SGCZ: variants seen among roughly 807,000 people sequenced by gnomAD.
SGCZ encodes zeta-sarcoglycan.
Under a neutral mutation model 41.3 loss-of-function variants are expected in SGCZ, and 40 were observed. The observed-to-expected ratio is 0.97, with a 90% CI of 0.75 to 1.26. SGCZ has a LOEUF of 1.26. Ranked by LOEUF, SGCZ falls within the 50% of genes most tolerant of loss-of-function variation. SGCZ has a pLI of 0.00. For missense variants in SGCZ, 552 were observed against 369.8 expected (o/e 1.49, Z -4.04); for synonymous variants, 206 against 137.5 (o/e 1.50, Z -3.49).
chr8:14,689,914 G>T (rs1585184893), intron 1 of SGCZ, among the ~76,000 whole-genome samples: 1 of 152,188 alleles, frequency 6.6e-6, no homozygotes, highest in Non-Finnish European at 1.5e-5. Context: ...GTCACTTACT[G>T]CCTACGCAGG....
At chr8:15,000,609 C>T (rs777831587) in intron 1 of SGCZ, among the ~76,000 whole-genome samples, 5 of 152,104 alleles carry the variant, frequency 3.3e-5, no homozygotes, top group Non-Finnish European at 2.9e-5. Context: ...CTTCTCTTTG[C>T]CAGCCACGTG....
intron 4 of SGCZ, among the ~76,000 whole-genome samples, chr8:14,212,499 A>T (rs1199451921): frequency 2.7e-5 from 4 of 148,206 alleles, no homozygotes; most frequent in Non-Finnish European, 5.9e-5. Flanking sequence ...AAGTTGCCAG[A>T]GCTCAGAAAG....
At chr8:15,060,119 C>A (rs1331838936) in intron 1 of SGCZ, among the ~76,000 whole-genome samples, 2 of 152,042 alleles carry the variant, frequency 1.3e-5, no homozygotes, top group African/African-American at 4.8e-5. Flanking sequence ...GGTGTTTCCT[C>A]AGGGATCTAG....
At chr8:14,865,490 T>A (rs533106186) in intron 1 of SGCZ, among the ~76,000 whole-genome samples, 3 of 152,210 alleles carry the variant, frequency 2.0e-5, no homozygotes, top group Admixed American at 2.0e-4. Context: ...ATTATTCTGG[T>A]GAAAAAGAAA....
At chr8:14,309,638 G>C in intron 3 of SGCZ, 3 of 1,610,762 alleles carry the variant, frequency 1.9e-6, no homozygotes, top group Admixed American at 1.7e-5. Context: ...CAGCTACTAA[G>C]AGCGGCTCCA....
intron 4 of SGCZ, among the ~76,000 whole-genome samples, chr8:14,190,998 G>A (rs994427327): frequency 6.6e-6 from 1 of 152,054 alleles, no homozygotes; most frequent in Non-Finnish European, 1.5e-5. Context: ...TCACATCCTC[G>A]TCAACACCTG....
chr8:14,371,518 T>A (rs1272872703), intron 2 of SGCZ, among the ~76,000 whole-genome samples: 2 of 144,032 alleles, frequency 1.4e-5, no homozygotes, highest in Non-Finnish European at 3.2e-5. Flanking sequence ...CGTATGTAAA[T>A]ATAAAAAAAA....
intron 1 of SGCZ, among the ~76,000 whole-genome samples, chr8:15,046,774 T>G (rs1019404719): frequency 6.6e-6 from 1 of 152,008 alleles, no homozygotes; most frequent in African/African-American, 2.4e-5. Flanking sequence ...GATATACAAA[T>G]GTCTGATGCT....
chr8:14,286,919 A>G (rs1272258121), intron 3 of SGCZ, among the ~76,000 whole-genome samples: 2 of 152,048 alleles, frequency 1.3e-5, no homozygotes, highest in African/African-American at 4.8e-5. Context: ...TGAAAAGTAA[A>G]CAAATGTATG....
intron 1 of SGCZ, among the ~76,000 whole-genome samples, chr8:14,897,228 ATGG>A (rs1805234140): frequency 1.3e-5 from 2 of 152,226 alleles, no homozygotes; most frequent in Non-Finnish European, 2.9e-5. Flanking sequence ...CTCAAAGGAA[ATGG>A]TTGGTGAATA....
intron 1 of SGCZ, among the ~76,000 whole-genome samples, chr8:14,662,133 G>C (rs1807774032): frequency 7.5e-6 from 1 of 134,140 alleles, no homozygotes; most frequent in Admixed American, 7.0e-5. Context: ...TCCAGTCACT[G>C]TAATACTACT....
intron 1 of SGCZ, among the ~76,000 whole-genome samples, chr8:15,237,054 T>C (rs1478221827): frequency 6.6e-6 from 1 of 151,978 alleles, no homozygotes; most frequent in Non-Finnish European, 1.5e-5. Context: ...GGAAAAGGGG[T>C]CTCACGAAGT....
chr8:14,205,781 T>C (rs955886115), intron 4 of SGCZ, among the ~76,000 whole-genome samples: 1 of 152,186 alleles, frequency 6.6e-6, no homozygotes, highest in Non-Finnish European at 1.5e-5. Context: ...ACTTTAATGT[T>C]AGTTTCTTTT....
intron 2 of SGCZ, among the ~76,000 whole-genome samples, chr8:14,358,404 T>A: frequency 6.6e-6 from 1 of 152,250 alleles, no homozygotes; most frequent in Non-Finnish European, 1.5e-5. Context: ...TTTCATTATG[T>A]TGTCATCAAT....
At chr8:15,046,491 G>C (rs1356780824) in intron 1 of SGCZ, among the ~76,000 whole-genome samples, 1 of 151,936 alleles carries the variant, frequency 6.6e-6, no homozygotes, top group Middle Eastern at 3.2e-3. Context: ...GATTTGGCCA[G>C]TGAAGCCTCT....
intron 1 of SGCZ, among the ~76,000 whole-genome samples, chr8:14,795,115 G>A (rs1271258651): frequency 6.6e-6 from 1 of 152,112 alleles, no homozygotes; most frequent in Non-Finnish European, 1.5e-5. Context: ...ACAGAATAAA[G>A]GTAAGTAGGA....
At chr8:15,158,336 T>C (rs1799398659) in intron 1 of SGCZ, among the ~76,000 whole-genome samples, 1 of 152,176 alleles carries the variant, frequency 6.6e-6, no homozygotes, top group Non-Finnish European at 1.5e-5. Flanking sequence ...GCTAGCTATT[T>C]GTGGAATCTG....
At chr8:14,352,593 G>C (rs547445742) in intron 2 of SGCZ, among the ~76,000 whole-genome samples, 2 of 152,198 alleles carry the variant, frequency 1.3e-5, no homozygotes, top group South Asian at 4.1e-4. Context: ...AAACAACCAG[G>C]AAGAGAAGTA....
chr8:14,108,021 CCTAT>C (rs1263287246), intron 6 of SGCZ, 138 bp downstream of exon 6: 7 of 690,046 alleles, frequency 1.0e-5, no homozygotes, highest in African/African-American at 5.5e-5. Flanking sequence ...CCACATTCTT[CCTAT>C]CTAATATATT....
Sources: gnomAD v4.1 joint callset for allele counts (sites outside exome capture counted in the v4.1 genomes callset) on GRCh38, gnomAD v4.1.1 for gene constraint, MANE v1.5 for transcripts, NCBI Gene and HGNC (gene_info 2026-07-23, HGNC 2026-07-21) for gene names.